The following TPH2 variants were observed in gnomAD, a reference collection of about 807,000 sequenced individuals.
TPH2 encodes tryptophan hydroxylase 2, also known as tryptophan 5-hydroxylase 2.
In TPH2, 27 loss-of-function variants were observed where a neutral mutation model predicts 59.1. The ratio of observed to expected loss-of-function variants is 0.46; its 90% CI spans 0.34 to 0.63. TPH2 has a LOEUF of 0.63. Ranked by LOEUF, TPH2 falls within the 30% of genes least tolerant of loss-of-function variation. TPH2 has a pLI of 0.01. For missense variants in TPH2, 523 were observed against 588.3 expected (o/e 0.89, Z 1.15); for synonymous variants, 220 against 210.5 (o/e 1.05, Z -0.39).
intron 9 of TPH2, among the ~76,000 whole-genome samples, chr12:72,022,877 T>TC (rs1165951305): frequency 1.3e-5 from 2 of 152,214 alleles, no homozygotes; most frequent in Non-Finnish European, 2.9e-5. Flanking sequence ...TTCCATCACC[T>TC]CCCTGGCTCC....
intron 8 of TPH2, among the ~76,000 whole-genome samples, chr12:72,021,515 A>G: frequency 6.6e-6 from 1 of 152,016 alleles, no homozygotes; most frequent in East Asian, 1.9e-4. Context: ...ACACACTTCA[A>G]ATTTGGAATT....
intron 5 of TPH2, among the ~76,000 whole-genome samples, chr12:71,961,061 T>C (rs1871666474): frequency 6.6e-6 from 1 of 152,302 alleles, no homozygotes; most frequent in East Asian, 1.9e-4. Context: ...TCCCTCAGTT[T>C]CGAATGAGGA....
chr12:71,978,802 G>A, intron 6 of TPH2, 150 bp from the exon 7 acceptor site: 1 of 948,496 alleles, frequency 1.1e-6, no homozygotes, highest in East Asian at 2.4e-5. Context: ...CATGATAGCT[G>A]TTAACAGTAT....
At chr12:71,972,439 T>G (rs1871998966) in intron 5 of TPH2, 80 bp from the exon 6 acceptor site, 1 of 1,409,032 alleles carries the variant, frequency 7.1e-7, no homozygotes, top group African/African-American at 1.4e-5. Flanking sequence ...GGGTCTGACT[T>G]GTGATAGGTA....
chr12:71,995,404 G>A (rs570919969), intron 8 of TPH2, among the ~76,000 whole-genome samples: 12 of 152,182 alleles, frequency 7.9e-5, no homozygotes, highest in African/African-American at 2.2e-4. Flanking sequence ...TGAAAAATGC[G>A]ATCTTAAATT....
Position 72,020,302 on chromosome 12 carries a change from A to G in TPH2, c.1069-2097A>G, listed in dbSNP as rs1049893138. Among the ~76,000 whole-genome samples the G allele has an allele frequency of 2.6e-5, 4 of 152,186 alleles. No individual in the cohort carries two copies. In the East Asian group the frequency reaches 5.8e-4, roughly 22 times the overall value. ...AAAACCTTGTCCTAAATGAACAGAC[A>G]CCTGCTTTTTTGGAGTTTATAGTCT... On this transcript the variant is annotated intron_variant, in intron 8 of 10. Transcript: ENST00000333850.
In TPH2 at chr12:72,022,478, C is replaced by T. The variant is rs371065822; in HGVS notation, c.1148C>T (p.Ser383Phe). 1.2e-6 allele frequency: 2 copies of T among 1,613,196 alleles called. No homozygotes were observed. The highest frequency in any genetic ancestry group is 1.7e-6 in the Non-Finnish European group (2 of 1,179,198). ...LRAYGAGLLS[S>F]IGELKHALSD... Reference sequence around the variant, plus strand: ...GCATATGGAGCAGGACTCCTTTCCTCCATTGGAGAATTAAAGGTATGAAGC... The same window carrying T: ...GCATATGGAGCAGGACTCCTTTCCTTCATTGGAGAATTAAAGGTATGAAGC... Residue 383 changes from serine to phenylalanine, a missense_variant, in exon 9 of 11, where the codon TCC (serine) becomes TTC (phenylalanine). Ser to Phe is a radical substitution (Grantham distance 155, BLOSUM62 -2). Transcript: ENST00000333850.
At chr12:72,031,151 A>G in intron 9 of TPH2, 107 bp from the exon 10 acceptor site, 1 of 1,419,868 alleles carries the variant, frequency 7.0e-7, no homozygotes, top group Non-Finnish European at 9.9e-7. Flanking sequence ...GTAACTGAGC[A>G]GCTCTGTAGG....
chr12:71,970,004 C>G (rs566354731), intron 5 of TPH2, among the ~76,000 whole-genome samples: 1 of 152,248 alleles, frequency 6.6e-6, no homozygotes, highest in East Asian at 1.9e-4. Flanking sequence ...AGTAAGCTCT[C>G]AAATATCAGC....
intron 5 of TPH2, among the ~76,000 whole-genome samples, chr12:71,956,460 C>T (rs1286688657): frequency 7.9e-6 from 1 of 127,000 alleles, no homozygotes; most frequent in African/African-American, 2.9e-5. Flanking sequence ...CCCTTTCTTC[C>T]TTCCTTCCTT....
At chr12:72,031,173 A>G in intron 9 of TPH2, 85 bp from the exon 10 acceptor site, 1 of 1,565,828 alleles carries the variant, frequency 6.4e-7, no homozygotes, top group Admixed American at 1.7e-5. Flanking sequence ...TTACCGAGCT[A>G]TCAAATGTGT....
At position 71,941,569 on chromosome 12, in the gene TPH2, TC is replaced by T. The variant is rs769586431; in HGVS notation, c.106-14del. 1 of 1,613,184 alleles carries T rather than the reference TC, an allele frequency of 6.2e-7. No homozygotes were observed. Among genetic ancestry groups the T allele is most frequent in the Non-Finnish European group, 8.5e-7 (1 of 1,179,526 alleles). ...AACTAATATTTTGTTTTATTATGCTTCGACATTCCTGAAGCTAAATAAACCT... is the reference window on the plus strand; with the variant it reads ...AACTAATATTTTGTTTTATTATGCTTGACATTCCTGAAGCTAAATAAACCT... On this transcript the variant is annotated splice_polypyrimidine_tract_variant and intron_variant, in intron 1 of 10. Coordinates refer to ENST00000333850, the MANE Select transcript of TPH2 (RefSeq NM_173353.4).
At chr12:71,965,687 G>T (rs1871798488) in intron 5 of TPH2, among the ~76,000 whole-genome samples, 1 of 152,172 alleles carries the variant, frequency 6.6e-6, no homozygotes, top group Non-Finnish European at 1.5e-5. Flanking sequence ...ATTGGTTTAA[G>T]TTCCTTATAG....
At chr12:71,962,343 C>A in intron 5 of TPH2, 1 of 985,414 alleles carries the variant, frequency 1.0e-6, no homozygotes, top group Non-Finnish European at 1.2e-6. Context: ...GCCAAGGAAA[C>A]ATCTCTGTAT....
At chr12:71,944,811 T>C in intron 4 of TPH2, 125 bp downstream of exon 4, 1 of 928,506 alleles carries the variant, frequency 1.1e-6, no homozygotes, top group Non-Finnish European at 1.7e-6. Context: ...TCCCCATAAC[T>C]GAGAGCAGAC....
chr12:72,010,377 A>T (rs1873068860), intron 8 of TPH2, among the ~76,000 whole-genome samples: 1 of 152,094 alleles, frequency 6.6e-6, no homozygotes, highest in African/African-American at 2.4e-5. Flanking sequence ...TGTGACGGGG[A>T]CCCCAGCTCA....
In TPH2 at chr12:72,001,818, T is replaced by C. The variant is rs368482520; in HGVS notation, c.1068+7253T>C. Among the ~76,000 whole-genome samples, 5 of 152,212 alleles carry C rather than the reference T, an allele frequency of 3.3e-5. No individual in the cohort carries two copies. The East Asian group carries it at 9.7e-4, about 29-fold the overall frequency. Reference sequence around the variant, plus strand: ...GTTGTAAACCATTTTGTTAATTTAATAGTGGCTTTTTTTTTTAGAGGGAAA... The same window carrying C: ...GTTGTAAACCATTTTGTTAATTTAACAGTGGCTTTTTTTTTTAGAGGGAAA... On this transcript the variant is annotated intron_variant, in intron 8 of 10. Coordinates refer to ENST00000333850, the MANE Select transcript of TPH2 (RefSeq NM_173353.4).
Position 71,961,686 on chromosome 12 carries a change from G to C in TPH2, c.609-10833G>C, listed in dbSNP as rs569343499. The C allele has an allele frequency of 2.4e-5, 32 of 1,350,490 alleles. No homozygotes were observed. In the South Asian group the frequency reaches 3.5e-4, roughly 15 times the overall value. 83.7% of individuals were successfully genotyped at this position (1,350,490 alleles called of 1,614,324 possible). A position where few individuals can be genotyped will look rare whatever the true frequency, so the allele number is the denominator to read the frequency against. The stretch of plus-strand genomic sequence containing the variant: ...GGATGTTAGATCCATTGTTGTTGCT[G>C]TTGATATTTAATTTCATGATAGTTT... On this transcript the variant is annotated intron_variant, in intron 5 of 10. Coordinates refer to ENST00000333850, the MANE Select transcript of TPH2 (RefSeq NM_173353.4).
At chr12:71,992,125 A>G (rs1357983005) in intron 7 of TPH2, among the ~76,000 whole-genome samples, 2 of 152,206 alleles carry the variant, frequency 1.3e-5, no homozygotes, top group South Asian at 4.1e-4. Context: ...CTTAGGAAAT[A>G]CTGACTACAT....
Sources: allele counts gnomAD v4.1 joint callset (sites outside exome capture counted in the v4.1 genomes callset), GRCh38; gene constraint gnomAD v4.1.1; transcripts MANE v1.5; gene names NCBI Gene and HGNC (gene_info 2026-07-23, HGNC 2026-07-21).